ARHGAP15: variants seen among roughly 807,000 people sequenced by gnomAD.
ARHGAP15 encodes Rho GTPase activating protein 15.
A neutral mutation model predicts 63.7 loss-of-function variants in ARHGAP15; 51 were observed. That is an observed-to-expected ratio of 0.80 (90% CI 0.64 to 1.01). The LOEUF (loss-of-function observed/expected upper bound fraction) is 1.01, where lower values mean the gene tolerates loss of function less well. ARHGAP15 is among the 50% of genes least tolerant of loss of function. The pLI is 0.00. For missense variants in ARHGAP15, 560 were observed against 564.6 expected, an observed-to-expected ratio of 0.99 and a Z score of 0.08; for synonymous variants, 191 against 193.8, an observed-to-expected ratio of 0.99 and a Z score of 0.12.
intron 13 of ARHGAP15, among the ~76,000 whole-genome samples, chr2:143,754,339 A>C (rs1223276625): frequency 6.6e-6 from 1 of 152,204 alleles, no homozygotes; most frequent in African/African-American, 2.4e-5. Flanking sequence ...GGAGAAAGAT[A>C]ATAAAGCAGA....
chr2:143,285,379 ATG>A (rs1558866531), intron 6 of ARHGAP15, among the ~76,000 whole-genome samples: 1 of 152,180 alleles, frequency 6.6e-6, no homozygotes. Context: ...TACAAAATCT[ATG>A]TGAAATATAA....
At chr2:143,716,741 C>T (rs1684828902) in intron 13 of ARHGAP15, among the ~76,000 whole-genome samples, 1 of 152,210 alleles carries the variant, frequency 6.6e-6, no homozygotes. Context: ...TACCAATACT[C>T]GATTGTGTTT....
At chr2:143,212,280 G>A (rs4662316) in intron 3 of ARHGAP15, among the ~76,000 whole-genome samples, 4,478 of 152,276 alleles carry the variant, frequency 0.029, 303 homozygotes, top group Admixed American at 0.18. Flanking sequence ...TGCTATCTGG[G>A]TATCCCACTG....
At chr2:143,155,821 C>T (rs1690056555) in intron 2 of ARHGAP15, among the ~76,000 whole-genome samples, 166 bp downstream of exon 2, 1 of 151,828 alleles carries the variant, frequency 6.6e-6, no homozygotes, top group Non-Finnish European at 1.5e-5. Flanking sequence ...ATAATATCCC[C>T]AGTTGCAAGA....
At chr2:143,457,674 C>T (rs192133719) in intron 8 of ARHGAP15, among the ~76,000 whole-genome samples, 20 of 151,156 alleles carry the variant, frequency 1.3e-4, no homozygotes, top group African/African-American at 4.4e-4. Context: ...TAACTATATA[C>T]TAAATCCACA....
intron 1 of ARHGAP15, among the ~76,000 whole-genome samples, chr2:143,149,718 A>G (rs1436477025): frequency 6.6e-6 from 1 of 152,052 alleles, no homozygotes; most frequent in Admixed American, 6.6e-5. Flanking sequence ...TCTAAGAAAT[A>G]TTAGCAAAGG....
intron 8 of ARHGAP15, among the ~76,000 whole-genome samples, chr2:143,460,350 C>T (rs1425550443): frequency 6.6e-6 from 1 of 152,148 alleles, no homozygotes; most frequent in Non-Finnish European, 1.5e-5. Context: ...CAGCCCTTGA[C>T]ATGTGACTAC....
chr2:143,249,336 C>G (rs1680021013), intron 5 of ARHGAP15, among the ~76,000 whole-genome samples: 1 of 151,988 alleles, frequency 6.6e-6, no homozygotes. Flanking sequence ...AAATTTCTGG[C>G]TTCTGAAAAA....
At chr2:143,486,460 G>T (rs1023627324) in intron 8 of ARHGAP15, among the ~76,000 whole-genome samples, 1 of 151,282 alleles carries the variant, frequency 6.6e-6, no homozygotes, top group African/African-American at 2.4e-5. Flanking sequence ...CCAGCTACTT[G>T]GGAGGCTGGG....
At chr2:143,179,219 TAAAC>T (rs752728892) in intron 2 of ARHGAP15, among the ~76,000 whole-genome samples, 3 of 152,222 alleles carry the variant, frequency 2.0e-5, no homozygotes, top group Non-Finnish European at 2.9e-5. Flanking sequence ...ATCTCAAAGC[TAAAC>T]AAACAAACAA....
chr2:143,246,489 A>C (rs1478618635), intron 5 of ARHGAP15, among the ~76,000 whole-genome samples: 3 of 151,916 alleles, frequency 2.0e-5, no homozygotes, highest in African/African-American at 2.4e-5. Flanking sequence ...GGAAGAAGAG[A>C]AAGTGACTAG....
chr2:143,375,953 A>G (rs1255701158), intron 6 of ARHGAP15, among the ~76,000 whole-genome samples: 1 of 152,242 alleles, frequency 6.6e-6, no homozygotes, highest in Non-Finnish European at 1.5e-5. Context: ...ATGACAACAG[A>G]ACAAGCTCAC....
At chr2:143,420,931 C>A (rs980538102) in intron 6 of ARHGAP15, among the ~76,000 whole-genome samples, 1 of 152,164 alleles carries the variant, frequency 6.6e-6, no homozygotes, top group Non-Finnish European at 1.5e-5. Context: ...CAGACACATG[C>A]TAGTAACTAC....
chr2:143,390,945 T>C (rs181652168), intron 6 of ARHGAP15, among the ~76,000 whole-genome samples: 7 of 152,298 alleles, frequency 4.6e-5, no homozygotes, highest in East Asian at 3.9e-4. Context: ...TCAGATTTCA[T>C]TGTGGGACCA....
chr2:143,527,731 A>G (rs913775272), intron 10 of ARHGAP15, among the ~76,000 whole-genome samples: 4 of 152,238 alleles, frequency 2.6e-5, no homozygotes, highest in African/African-American at 4.8e-5. Flanking sequence ...GTATAAGCCA[A>G]CTTCTCATAT....
intron 12 of ARHGAP15, among the ~76,000 whole-genome samples, chr2:143,643,746 A>G (rs1455562917): frequency 1.3e-5 from 2 of 152,116 alleles, no homozygotes; most frequent in African/African-American, 2.4e-5. Flanking sequence ...TATGTAAAAG[A>G]TTACAAAAAA....
chr2:143,186,545 C>A (rs1028395195), intron 2 of ARHGAP15, among the ~76,000 whole-genome samples: 7 of 152,130 alleles, frequency 4.6e-5, no homozygotes, highest in Admixed American at 3.9e-4. Context: ...TTTCAAATCC[C>A]TGTCTCCAAA....
At chr2:143,310,622 T>G (rs1683401208) in intron 6 of ARHGAP15, among the ~76,000 whole-genome samples, 1 of 152,052 alleles carries the variant, frequency 6.6e-6, no homozygotes, top group Non-Finnish European at 1.5e-5. Flanking sequence ...TCTGAGTATA[T>G]TGTAATATGC....
chr2:143,203,520 G>A (rs565182931), intron 3 of ARHGAP15, among the ~76,000 whole-genome samples: 2 of 151,920 alleles, frequency 1.3e-5, no homozygotes, highest in Non-Finnish European at 2.9e-5. Context: ...TTGCCTAGTG[G>A]GTACAATGCT....
Sources: allele counts gnomAD v4.1 joint callset (sites outside exome capture counted in the v4.1 genomes callset), GRCh38; gene constraint gnomAD v4.1.1; transcripts MANE v1.5; gene names NCBI Gene and HGNC (gene_info 2026-07-23, HGNC 2026-07-21).